The following CUX2 variants were observed in gnomAD, a reference collection of about 807,000 sequenced individuals.
CUX2 encodes homeobox protein cut-like 2.
A neutral mutation model predicts 144.8 loss-of-function variants in CUX2; 40 were observed. The ratio of observed to expected loss-of-function variants is 0.28; its 90% confidence interval spans 0.21 to 0.36. The LOEUF (loss-of-function observed/expected upper bound fraction) is 0.36, where lower values mean the gene tolerates loss of function less well. Among genes scored for constraint, CUX2 ranks in the 10% least tolerant of loss-of-function variants. The probability of loss-of-function intolerance (pLI) is 1.00; values close to 1 mark genes in which losing one functional copy is unlikely to be tolerated. For missense variants in CUX2, 1,615 were observed against 1,994.0 expected, an observed-to-expected ratio of 0.81 and a Z score of 3.62; for synonymous variants, 827 against 875.6, an observed-to-expected ratio of 0.94 and a Z score of 0.98.
At chr12:111,166,856 G>A (rs977483347) in intron 1 of CUX2, among the ~76,000 whole-genome samples, 15 of 152,288 alleles carry the variant, frequency 9.8e-5, no homozygotes, top group South Asian at 2.1e-4. Context: ...CGTGCCGGCC[G>A]CATTCTGATT....
chr12:111,114,076 G>A (rs943433550), intron 1 of CUX2, among the ~76,000 whole-genome samples: 3 of 152,144 alleles, frequency 2.0e-5, no homozygotes, highest in African/African-American at 7.2e-5. Flanking sequence ...TTTGACCATA[G>A]CTTTTATCTC....
intron 1 of CUX2, among the ~76,000 whole-genome samples, chr12:111,195,281 T>C (rs1218820954): frequency 3.3e-5 from 5 of 152,210 alleles, no homozygotes; most frequent in African/African-American, 1.2e-4. Flanking sequence ...CTTAACCAAT[T>C]TGGGTTATTT....
At chr12:111,089,490 A>G (rs1272288122) in intron 1 of CUX2, among the ~76,000 whole-genome samples, 2 of 152,188 alleles carry the variant, frequency 1.3e-5, no homozygotes, top group African/African-American at 4.8e-5. Context: ...CAAAGCCTCC[A>G]CCTGAATTAT....
At chr12:111,052,236 C>CT (rs1870304927) in intron 1 of CUX2, among the ~76,000 whole-genome samples, 1 of 152,164 alleles carries the variant, frequency 6.6e-6, no homozygotes, top group Non-Finnish European at 1.5e-5. Flanking sequence ...CCTGCTCCAC[C>CT]TTGTATGGCC....
intron 2 of CUX2, among the ~76,000 whole-genome samples, chr12:111,216,285 G>T (rs1881526246): frequency 6.6e-6 from 1 of 152,228 alleles, no homozygotes; most frequent in Non-Finnish European, 1.5e-5. Context: ...CCTTGAGCAG[G>T]CTAGCCCCTC....
intron 1 of CUX2, among the ~76,000 whole-genome samples, chr12:111,141,953 G>A (rs2136124278): frequency 6.6e-6 from 1 of 152,238 alleles, no homozygotes; most frequent in African/African-American, 2.4e-5. Flanking sequence ...GCATGGTGGT[G>A]TGTGCCTGTA....
At chr12:111,154,721 C>T (rs1259008191) in intron 1 of CUX2, among the ~76,000 whole-genome samples, 2 of 152,158 alleles carry the variant, frequency 1.3e-5, no homozygotes, top group Admixed American at 6.5e-5. Flanking sequence ...GCAAGAGAGA[C>T]TCCAGGGAAG....
intron 1 of CUX2, among the ~76,000 whole-genome samples, chr12:111,152,302 AAAAT>A (rs1484013641): frequency 6.6e-6 from 1 of 152,018 alleles, no homozygotes; most frequent in African/African-American, 2.4e-5. Context: ...ATAAATAAAT[AAAAT>A]AAATAAATAA....
intron 4 of CUX2, among the ~76,000 whole-genome samples, chr12:111,280,718 C>T (rs1426483909): frequency 1.3e-5 from 2 of 152,138 alleles, no homozygotes; most frequent in Admixed American, 6.6e-5. Context: ...GTGTCATTTC[C>T]ATCTCAGCGT....
At chr12:111,036,491 C>T (rs1417941928) in intron 1 of CUX2, among the ~76,000 whole-genome samples, 2 of 152,060 alleles carry the variant, frequency 1.3e-5, no homozygotes, top group Admixed American at 6.5e-5. Context: ...ATCTGGGAAC[C>T]CTTTGTTAGG....
intron 18 of CUX2, among the ~76,000 whole-genome samples, chr12:111,325,357 A>G (rs1887725767): frequency 6.6e-6 from 1 of 151,964 alleles, no homozygotes; most frequent in African/African-American, 2.4e-5. Context: ...CACACATAGC[A>G]CCAAGTGGTC....
chr12:111,221,225 A>T (rs1881839274), intron 3 of CUX2, among the ~76,000 whole-genome samples: 1 of 152,154 alleles, frequency 6.6e-6, no homozygotes, highest in Non-Finnish European at 1.5e-5. Context: ...CTGGAATTTT[A>T]TTCCCGAAAC....
rs942439953 is a variant in CUX2, at chr12:111,287,702, A to AAGCCACCGCC, written c.302-3715_302-3706dup. Among the ~76,000 whole-genome samples the AAGCCACCGCC allele has an allele frequency of 9.2e-5, 14 of 152,306 alleles. No individual in the cohort carries two copies. The highest frequency in any genetic ancestry group is 2.1e-4 in the Non-Finnish European group (14 of 68,024). ...GGGCGTGGGGGCTGCCGGCAGATGA[A>AAGCCACCGCC]AGCCACCGCCGCCTTCCCGCGCACC... On this transcript the variant is annotated intron_variant, in intron 4 of 21. Coordinates refer to ENST00000261726, the MANE Select transcript of CUX2 (RefSeq NM_015267.4). This position sits in a 1 kb window ranked among gnomAD's most constrained non-coding sequence, Gnocchi z 4.2.
At chr12:111,052,718 T>A (rs544740046) in intron 1 of CUX2, among the ~76,000 whole-genome samples, 2 of 152,270 alleles carry the variant, frequency 1.3e-5, no homozygotes, top group East Asian at 3.9e-4. Context: ...CGTGTCTTTG[T>A]TTATTTGTGC....
rs1887452677 is a variant in CUX2 at position 111,320,291 on chromosome 12, T to C, written c.2282T>C (p.Val761Ala). The C allele has an allele frequency of 1.3e-6, 2 of 1,596,998 alleles. No individual in the cohort carries two copies. Among genetic ancestry groups the C allele is most frequent in the Non-Finnish European group, 1.7e-6 (2 of 1,178,740 alleles). ...GGCCCCGCGCAGGCGCCGCTCCCGGTCCTGTCCCCCGCCGCCTTCGTGCAG... is the reference window on the plus strand; with the variant it reads ...GGCCCCGCGCAGGCGCCGCTCCCGGCCCTGTCCCCCGCCGCCTTCGTGCAG... ...SGGPAQAPLPVLSPAAFVQSI... is the reference protein window; with the variant it reads ...SGGPAQAPLPALSPAAFVQSI... The change falls in exon 17 of 22, where the codon GTC becomes GCC. Residue 761 changes from valine (V) to alanine (A), a missense_variant. By Grantham distance (64) the Val-to-Ala change is moderately conservative. Around this residue, in one of 12 missense-constraint regions of CUX2, gnomAD observed 390 missense variants for 387.1 expected, o/e 1.01. Coordinates refer to ENST00000261726, the MANE Select transcript of CUX2 (RefSeq NM_015267.4). The surrounding 1 kb of genome is among the most constrained non-coding windows in gnomAD (Gnocchi z 8.1).
chr12:111,083,509 A>G (rs947284331), intron 1 of CUX2, among the ~76,000 whole-genome samples: 3 of 152,112 alleles, frequency 2.0e-5, no homozygotes, highest in Admixed American at 6.5e-5. Context: ...GGTGCCATCC[A>G]GGGCTTAACA....
In CUX2 at chr12:111,348,598, T is replaced by C. The variant is rs1399680203; in HGVS notation, c.*273T>C. 1.0e-5 allele frequency: 4 copies of C among 386,354 alleles called. No individual in the cohort carries two copies. The highest frequency in any genetic ancestry group is 1.8e-5 in the Non-Finnish European group (4 of 216,564). 23.9% of individuals were successfully genotyped at this position (386,354 alleles called of 1,614,324 possible). A position where few individuals can be genotyped will look rare whatever the true frequency, so the allele number is the denominator to read the frequency against. On this transcript the variant is annotated 3_prime_UTR_variant, in exon 22 of 22. Transcript: ENST00000261726. ...GCAGAAGCAAAATGGCACCACATATTCACCTGAAAACTCCAAACTCTTTTA... is the reference window on the plus strand; with the variant it reads ...GCAGAAGCAAAATGGCACCACATATCCACCTGAAAACTCCAAACTCTTTTA...
At chr12:111,278,749 TTC>T (rs1324697124) in intron 4 of CUX2, among the ~76,000 whole-genome samples, 1 of 152,182 alleles carries the variant, frequency 6.6e-6, no homozygotes, top group Non-Finnish European at 1.5e-5. Context: ...TTTTTGTCAT[TTC>T]TCTCTCTTTC....
chr12:111,073,334 C>T (rs1219092285), intron 1 of CUX2, among the ~76,000 whole-genome samples: 1 of 152,100 alleles, frequency 6.6e-6, no homozygotes. Flanking sequence ...TGCGGCATTA[C>T]AGTTTGTTGT....
Sources: allele counts gnomAD v4.1 joint callset (sites outside exome capture counted in the v4.1 genomes callset), GRCh38; gene constraint gnomAD v4.1.1; regional missense constraint gnomAD v4.1.1; non-coding constraint Gnocchi (gnomAD v3.1); transcripts MANE v1.5; gene names NCBI Gene and HGNC (gene_info 2026-07-23, HGNC 2026-07-21).